Variants in ZNF609 observed in about 807,000 individuals in gnomAD.
ZNF609 encodes zinc finger protein 609.
A neutral mutation model predicts 109.5 loss-of-function variants in ZNF609; 11 were observed. The observed-to-expected ratio is 0.10, with a 90% CI of 0.06 to 0.17. The LOEUF is 0.17. Among genes scored for constraint, ZNF609 ranks in the 10% least tolerant of loss-of-function variants. The pLI is 1.00. For missense variants in ZNF609, 1,559 were observed against 1,772.4 expected (o/e 0.88, Z 2.16); for synonymous variants, 646 against 662.0 (o/e 0.98, Z 0.37).
chr15:64,586,809 C>T (rs1895206597), intron 2 of ZNF609, among the ~76,000 whole-genome samples: 1 of 152,096 alleles, frequency 6.6e-6, no homozygotes, highest in Non-Finnish European at 1.5e-5. Context: ...TTCAGTGAAA[C>T]GAAATACTTC....
intron 2 of ZNF609, among the ~76,000 whole-genome samples, chr15:64,609,483 AT>A: frequency 6.7e-6 from 1 of 150,054 alleles, no homozygotes; most frequent in Middle Eastern, 3.4e-3. Flanking sequence ...GCCCGGCCGT[AT>A]TTTTTTATAG....
chr15:64,671,204 C>T (rs1427514290), intron 4 of ZNF609: 1 of 120,112 alleles, frequency 8.3e-6, no homozygotes, highest in Admixed American at 9.6e-5. Flanking sequence ...AGCAAGACTC[C>T]GTCTCAAAAA....
At chr15:64,460,290 G>A (rs1232101243), upstream of ZNF609, among the ~76,000 whole-genome samples, 1 of 152,190 alleles carries the variant, frequency 6.6e-6, no homozygotes, top group Non-Finnish European at 1.5e-5. Flanking sequence ...GTCTGATCCA[G>A]CGAGAGTTCT....
chr15:64,466,760 A>C (rs187913823), intron 1 of ZNF609, among the ~76,000 whole-genome samples: 1 of 152,298 alleles, frequency 6.6e-6, no homozygotes, highest in East Asian at 1.9e-4. Flanking sequence ...CAAACCACTT[A>C]TGCTTTCCTA....
chr15:64,666,692 A>C (rs928524715), intron 3 of ZNF609, among the ~76,000 whole-genome samples: 4 of 151,846 alleles, frequency 2.6e-5, no homozygotes, highest in African/African-American at 4.8e-5. Context: ...TTGTATTTTT[A>C]GTAGAGATGG....
intron 2 of ZNF609, among the ~76,000 whole-genome samples, chr15:64,609,093 T>TTTCC (rs1895666573): frequency 3.0e-5 from 1 of 33,226 alleles, no homozygotes; most frequent in African/African-American, 6.2e-5. Context: ...TCTTTCTTTC[T>TTTCC]TTCTTTCTTT....
rs144709002 is a variant in ZNF609 at position 64,510,318 on chromosome 15, C to G, written c.747+10152C>G. ...CTCCTGGCCTCAAGTGGTCTTCCTG[C>G]CTCAGCCTCCCGAGTAGCAGGGACT... On this transcript the variant is annotated intron_variant, in intron 2 of 9. Coordinates refer to ENST00000326648, the MANE Select transcript of ZNF609 (RefSeq NM_015042.2). 8.6e-3 allele frequency among the ~76,000 whole-genome samples: 1,311 copies of G among 151,842 alleles called. 9 individuals are homozygous for G. Among genetic ancestry groups the G allele is most frequent in the Admixed American group, 0.013 (195 of 15,226 alleles).
intron 2 of ZNF609, among the ~76,000 whole-genome samples, chr15:64,605,747 T>C (rs1895583974): frequency 6.7e-6 from 1 of 149,536 alleles, no homozygotes; most frequent in Non-Finnish European, 1.5e-5. Flanking sequence ...TTTTTTTTTT[T>C]TTTTGAGACG....
At chr15:64,617,156 C>A (rs1196796244) in intron 2 of ZNF609, among the ~76,000 whole-genome samples, 3 of 151,716 alleles carry the variant, frequency 2.0e-5, no homozygotes, top group Non-Finnish European at 4.4e-5. Context: ...TTAGGATGGG[C>A]AACGTAGGGA....
chr15:64,611,899 A>T (rs1246368700), intron 2 of ZNF609, among the ~76,000 whole-genome samples: 1 of 147,402 alleles, frequency 6.8e-6, no homozygotes, highest in Non-Finnish European at 1.5e-5. Context: ...TGCCCGGCTA[A>T]TTTTTTTTTG....
chr15:64,558,887 CTTT>C (rs78899402), intron 2 of ZNF609, among the ~76,000 whole-genome samples: 2 of 144,880 alleles, frequency 1.4e-5, no homozygotes, highest in African/African-American at 2.5e-5. Flanking sequence ...AAAATATTTC[CTTT>C]TTTTTTTTTT....
chr15:64,654,818 C>A (rs902403981), intron 3 of ZNF609, among the ~76,000 whole-genome samples: 2 of 152,096 alleles, frequency 1.3e-5, no homozygotes, highest in African/African-American at 4.8e-5. Flanking sequence ...CCAAGTGGGC[C>A]GGGCACGGTG....
chr15:64,469,049 A>C (rs918021671), intron 1 of ZNF609, among the ~76,000 whole-genome samples: 3 of 144,088 alleles, frequency 2.1e-5, no homozygotes, highest in South Asian at 4.4e-4. Context: ...AAAAAAAAAA[A>C]AAAAAAACAA....
intron 2 of ZNF609, among the ~76,000 whole-genome samples, chr15:64,505,539 A>G (rs1001521335): frequency 9.2e-5 from 14 of 152,122 alleles, no homozygotes; most frequent in Non-Finnish European, 2.1e-4. Flanking sequence ...TAAATAAAAC[A>G]GAGATGGTCT....
chr15:64,531,532 G>A (rs1894060864), intron 2 of ZNF609, among the ~76,000 whole-genome samples: 1 of 151,998 alleles, frequency 6.6e-6, no homozygotes, highest in African/African-American at 2.4e-5. Flanking sequence ...CAAGTAGCTG[G>A]GACTACAAAT....
chr15:64,568,595 AATCACAACTGT>A (rs1894814465), intron 2 of ZNF609, among the ~76,000 whole-genome samples: 1 of 152,200 alleles, frequency 6.6e-6, no homozygotes, highest in South Asian at 2.1e-4. Flanking sequence ...CATGATTAAG[AATCACAACTGT>A]AGGTCCTATT....
chr15:64,468,337 G>A (rs1893043965), intron 1 of ZNF609, among the ~76,000 whole-genome samples: 1 of 149,468 alleles, frequency 6.7e-6, no homozygotes, highest in Admixed American at 6.7e-5. Context: ...CCTTCCTTAA[G>A]ACAGGGTCTC....
chr15:64,634,201 C>A (rs1567035482), intron 3 of ZNF609, among the ~76,000 whole-genome samples: 1 of 152,130 alleles, frequency 6.6e-6, no homozygotes, highest in Non-Finnish European at 1.5e-5. Context: ...TCTGTGTACT[C>A]TGGCCCCTGT....
intron 2 of ZNF609, among the ~76,000 whole-genome samples, chr15:64,622,094 G>C (rs554154121): frequency 6.6e-6 from 1 of 152,190 alleles, no homozygotes; most frequent in East Asian, 1.9e-4. Context: ...ATTGGCTTCT[G>C]GGTGGCAACA....
Sources: gnomAD v4.1 joint callset for allele counts (sites outside exome capture counted in the v4.1 genomes callset) on GRCh38, gnomAD v4.1.1 for gene constraint, MANE v1.5 for transcripts, NCBI Gene and HGNC (gene_info 2026-07-23, HGNC 2026-07-21) for gene names.